The following PEX5L variants were observed in gnomAD, a reference collection of about 807,000 sequenced individuals.
PEX5L encodes the protein PEX5-related protein.
Under a neutral mutation model 84.0 loss-of-function variants are expected in PEX5L, and 30 were observed. That is an observed-to-expected ratio of 0.36 (90% CI 0.27 to 0.48). PEX5L has a LOEUF of 0.48. Among genes scored for constraint, PEX5L ranks in the 20% least tolerant of loss-of-function variants. PEX5L has a pLI of 0.99. For missense variants in PEX5L, 533 were observed against 754.6 expected, an observed-to-expected ratio of 0.71 and a Z score of 3.44; for synonymous variants, 270 against 283.1, an observed-to-expected ratio of 0.95 and a Z score of 0.46.
intron 2 of PEX5L, among the ~76,000 whole-genome samples, chr3:179,963,079 A>G (rs1012940479): frequency 1.3e-5 from 2 of 152,238 alleles, no homozygotes; most frequent in Non-Finnish European, 2.9e-5. Flanking sequence ...TATTTGTTGA[A>G]CTTGAGATGG....
At position 179,798,298 on chromosome 3, in the gene PEX5L, T is replaced by C. The variant is rs1359857072; in HGVS notation, c.*3530A>G. Reference sequence around the variant, plus strand: ...TGAGAAAGCACGGTGCATAGTATTCTATTAAAATTTCCTGGTGGACGAGAT... The same window carrying C: ...TGAGAAAGCACGGTGCATAGTATTCCATTAAAATTTCCTGGTGGACGAGAT... On this transcript the variant is annotated 3_prime_UTR_variant, in exon 15 of 15. Coordinates refer to ENST00000467460, the MANE Select transcript of PEX5L (RefSeq NM_016559.3). 2.6e-5 allele frequency: 4 copies of C among 151,640 alleles called. No individual in the cohort carries two copies. Among genetic ancestry groups the C allele is most frequent in the Admixed American group, 1.3e-4 (2 of 15,244 alleles). 9.4% of individuals were successfully genotyped at this position (151,640 alleles called of 1,614,324 possible).
chr3:180,031,982 A>T (rs1791506017), intron 1 of PEX5L, among the ~76,000 whole-genome samples: 1 of 152,210 alleles, frequency 6.6e-6, no homozygotes, highest in African/African-American at 2.4e-5. Flanking sequence ...ATCTACAAAG[A>T]CTATATTGTG....
At chr3:179,816,552 A>G (rs1726170465) in intron 9 of PEX5L, among the ~76,000 whole-genome samples, 1 of 152,052 alleles carries the variant, frequency 6.6e-6, no homozygotes, top group Non-Finnish European at 1.5e-5. Flanking sequence ...ACACGTGGAC[A>G]CAGGGAGGGG....
chr3:180,009,990 T>C (rs1789278999), intron 1 of PEX5L, among the ~76,000 whole-genome samples: 2 of 151,968 alleles, frequency 1.3e-5, no homozygotes, highest in Admixed American at 1.3e-4. Flanking sequence ...GTTGCACAGG[T>C]TGAAGTGCAG....
At chr3:179,989,494 T>C (rs1481007763) in intron 1 of PEX5L, among the ~76,000 whole-genome samples, 1 of 152,216 alleles carries the variant, frequency 6.6e-6, no homozygotes, top group Non-Finnish European at 1.5e-5. Context: ...TTACAAAATT[T>C]ATCCATTTAT....
chr3:179,847,075 GTGTGTGTATATATA>G (rs368991313), intron 8 of PEX5L, among the ~76,000 whole-genome samples: 12 of 67,516 alleles, frequency 1.8e-4, no homozygotes, highest in Admixed American at 3.0e-4. Context: ...GTGTGTGTGT[GTGTGTGTATATATA>G]TATATATATA....
At chr3:179,956,563 A>AAAGTAAATTATCTCCT (rs1470076500) in intron 2 of PEX5L, among the ~76,000 whole-genome samples, 1 of 152,212 alleles carries the variant, frequency 6.6e-6, no homozygotes, top group African/African-American at 2.4e-5. Context: ...ATGAGGTACC[A>AAAGTAAATTATCTCCT]AAGTAAATTA....
At chr3:179,929,284 A>G (rs1433102435) in intron 2 of PEX5L, among the ~76,000 whole-genome samples, 1 of 152,212 alleles carries the variant, frequency 6.6e-6, no homozygotes, top group African/African-American at 2.4e-5. Flanking sequence ...AAGTGGTTTC[A>G]AGGATGGAAA....
intron 7 of PEX5L, among the ~76,000 whole-genome samples, chr3:179,864,707 T>C (rs1051856916): frequency 6.6e-6 from 1 of 152,176 alleles, no homozygotes; most frequent in African/African-American, 2.4e-5. Flanking sequence ...AAAATAAGTA[T>C]GTGAGTGAAT....
intron 8 of PEX5L, among the ~76,000 whole-genome samples, chr3:179,840,301 G>A (rs914362185): frequency 1.4e-5 from 2 of 146,926 alleles, no homozygotes; most frequent in African/African-American, 2.5e-5. Context: ...TGATTCTCCC[G>A]TCTTAGCCTC....
At chr3:180,030,636 G>A (rs891644922) in intron 1 of PEX5L, among the ~76,000 whole-genome samples, 1 of 152,178 alleles carries the variant, frequency 6.6e-6, no homozygotes, top group African/African-American at 2.4e-5. Flanking sequence ...TGATTTTTAA[G>A]AGGGTGTGTG....
intron 2 of PEX5L, among the ~76,000 whole-genome samples, chr3:179,918,572 T>G (rs1768097309): frequency 6.6e-6 from 1 of 152,168 alleles, no homozygotes; most frequent in Non-Finnish European, 1.5e-5. Flanking sequence ...AGCCTAAGTT[T>G]CAGTCCTAGT....
rs1487618144 is a variant in PEX5L, at chr3:179,795,012, A to G, written c.*6816T>C. ...ATCACAAAATTCAATTTCAGGTTAAATAATATTTTAGTCTTAAAAAATTAA... is the reference window on the plus strand; with the variant it reads ...ATCACAAAATTCAATTTCAGGTTAAGTAATATTTTAGTCTTAAAAAATTAA... On this transcript the variant is annotated 3_prime_UTR_variant, in exon 15 of 15. Coordinates refer to ENST00000467460, the MANE Select transcript of PEX5L (RefSeq NM_016559.3). 1 of 152,256 alleles carries G rather than the reference A, an allele frequency of 6.6e-6. No individual in the cohort carries two copies. The highest frequency in any genetic ancestry group is 2.4e-5 in the African/African-American group (1 of 41,472). 9.4% of individuals were successfully genotyped at this position (152,256 alleles called of 1,614,324 possible).
intron 2 of PEX5L, among the ~76,000 whole-genome samples, chr3:179,943,156 C>A (rs1776614952): frequency 6.6e-6 from 1 of 152,188 alleles, no homozygotes; most frequent in South Asian, 2.1e-4. Flanking sequence ...TGCTTACTTT[C>A]CTATTTATGG....
At chr3:179,924,845 G>C (rs976086521) in intron 2 of PEX5L, among the ~76,000 whole-genome samples, 2 of 150,814 alleles carry the variant, frequency 1.3e-5, no homozygotes, top group Non-Finnish European at 3.0e-5. Flanking sequence ...TTGCACATAA[G>C]AGAAAATTTT....
chr3:179,955,862 C>A (rs1041182319), intron 2 of PEX5L, among the ~76,000 whole-genome samples: 2 of 152,148 alleles, frequency 1.3e-5, no homozygotes, highest in East Asian at 1.9e-4. Context: ...TAAAATCATG[C>A]CATACTTTAC....
chr3:179,812,451 C>T (rs1243565809), intron 10 of PEX5L, among the ~76,000 whole-genome samples: 1 of 152,040 alleles, frequency 6.6e-6, no homozygotes, highest in Non-Finnish European at 1.5e-5. Context: ...ATTTTATAGT[C>T]TACATTTATA....
At chr3:179,865,891 T>C (rs1387083140) in intron 7 of PEX5L, among the ~76,000 whole-genome samples, 1 of 152,188 alleles carries the variant, frequency 6.6e-6, no homozygotes, top group Non-Finnish European at 1.5e-5. Context: ...GCATTATGTG[T>C]ATATAGTTCA....
At chr3:179,870,324 A>G (rs1486950827) in intron 7 of PEX5L, among the ~76,000 whole-genome samples, 2 of 152,252 alleles carry the variant, frequency 1.3e-5, no homozygotes, top group Non-Finnish European at 2.9e-5. Flanking sequence ...GAATGGGATC[A>G]GCATGAGAAC....
Sources: allele counts gnomAD v4.1 joint callset (sites outside exome capture counted in the v4.1 genomes callset), GRCh38; gene constraint gnomAD v4.1.1; transcripts MANE v1.5; gene names NCBI Gene and HGNC (gene_info 2026-07-23, HGNC 2026-07-21).